The following IQCE variants were observed in gnomAD, a reference collection of about 807,000 sequenced individuals.
The protein encoded by IQCE is IQ domain-containing protein E.
IQCE carries 115 observed loss-of-function variants against 96.0 expected under a neutral mutation model. The ratio of observed to expected loss-of-function variants is 1.20; its 90% CI spans 1.03 to 1.40. The LOEUF is 1.40. IQCE is among the 40% of genes most tolerant of loss of function. The pLI, the probability that IQCE is intolerant of heterozygous loss-of-function variation, is 0.00. For synonymous variants in IQCE, 412 were observed against 371.2 expected (o/e 1.11, Z -1.26); for missense variants, 1,041 against 909.1 (o/e 1.15, Z -1.87).
In IQCE at chr7:2,613,212, G is replaced by A. The variant is rs533400115; in HGVS notation, c.*3050G>A. 6.6e-6 allele frequency: 1 copy of A among 152,400 alleles called. No homozygotes were observed. The highest frequency in any genetic ancestry group is 1.9e-4 in the East Asian group (1 of 5,182). 9.4% of individuals were successfully genotyped at this position (152,400 alleles called of 1,614,324 possible). On this transcript the variant is annotated 3_prime_UTR_variant, in exon 22 of 22. Transcript: ENST00000402050. ...TGTGTTGACAGCAGTCACGTCTGTT[G>A]AGCTGACACTGCTGAGGCTGAAGCT...
chr7:2,606,740 C>T (rs1465969175), intron 20 of IQCE, among the ~76,000 whole-genome samples: 1 of 152,190 alleles, frequency 6.6e-6, no homozygotes, highest in African/African-American at 2.4e-5. Flanking sequence ...GTCAGGGACC[C>T]ATCCCTGGGC....
chr7:2,600,788 C>T (rs998725839), intron 17 of IQCE, among the ~76,000 whole-genome samples: 7 of 152,190 alleles, frequency 4.6e-5, no homozygotes, highest in African/African-American at 1.7e-4. Flanking sequence ...GTGGTCATTC[C>T]GTGCCATTAA....
rs546657431 is a variant in IQCE, at chr7:2,595,586, C to T, written c.1440+610C>T. On this transcript the variant is annotated intron_variant, in intron 16 of 21. Coordinates refer to ENST00000402050, the MANE Select transcript of IQCE (RefSeq NM_152558.5). ...ACCCGGGGGCAGCTAGTCGCGGCGGCGTCTCTGTGGCTCCGAGGTCCCTGG... is the reference window on the plus strand; with the variant it reads ...ACCCGGGGGCAGCTAGTCGCGGCGGTGTCTCTGTGGCTCCGAGGTCCCTGG... Among the ~76,000 whole-genome samples the T allele has an allele frequency of 4.6e-5, 7 of 152,292 alleles. No homozygotes were observed. The East Asian group carries it at 5.8e-4, about 13-fold the overall frequency.
At chr7:2,572,724 T>C (rs1237770731) in intron 5 of IQCE, 1 of 459,072 alleles carries the variant, frequency 2.2e-6, no homozygotes, top group Non-Finnish European at 4.4e-6. Flanking sequence ...TCTCTTTTTT[T>C]TTAGAGACGG....
chr7:2,595,005 G>T, intron 16 of IQCE, 29 bp downstream of exon 16: 1 of 1,465,144 alleles, frequency 6.8e-7, no homozygotes, highest in East Asian at 2.3e-5. Flanking sequence ...TGAGTCTCCC[G>T]TCAGGTGCGG....
At chr7:2,588,504 C>G (rs1783310735) in intron 13 of IQCE, among the ~76,000 whole-genome samples, 1 of 151,626 alleles carries the variant, frequency 6.6e-6, no homozygotes, top group Admixed American at 6.6e-5. Flanking sequence ...CAGGTGCCCA[C>G]CACCACACCC....
Position 2,583,727 on chromosome 7 carries a change from G to C in IQCE, c.774+18G>C. On this transcript the variant is annotated intron_variant, in intron 10 of 21. Coordinates refer to ENST00000402050, the MANE Select transcript of IQCE (RefSeq NM_152558.5). ...ACGAGGAGGTGCGCCGTGCTGGGCG[G>C]CGGAGCGGAGGGCGGGCACCGAGCT... 1 of 1,387,990 alleles carries C rather than the reference G, an allele frequency of 7.2e-7. No individual in the cohort carries two copies. The highest frequency in any genetic ancestry group is 2.0e-5 in the Admixed American group (1 of 50,970). 86.0% of individuals were successfully genotyped at this position (1,387,990 alleles called of 1,614,324 possible). A position where few individuals can be genotyped will look rare whatever the true frequency, so the allele number is the denominator to read the frequency against.
intron 1 of IQCE, among the ~76,000 whole-genome samples, chr7:2,565,523 A>G (rs962876034): frequency 1.3e-5 from 2 of 152,206 alleles, no homozygotes; most frequent in Non-Finnish European, 2.9e-5. Flanking sequence ...ATTCACAGCA[A>G]GGAATAATGA....
At chr7:2,589,811 C>G (rs999521756) in intron 13 of IQCE, 96 bp from the exon 14 acceptor site, 6 of 1,222,570 alleles carry the variant, frequency 4.9e-6, no homozygotes, top group Non-Finnish European at 7.1e-6. Flanking sequence ...CTGCTGGAGA[C>G]TCAGTTTGCC....
intron 14 of IQCE, 73 bp from the exon 15 acceptor site, chr7:2,592,949 T>C: frequency 6.7e-7 from 1 of 1,492,126 alleles, no homozygotes; most frequent in Non-Finnish European, 9.1e-7. Context: ...TGTCATTTTC[T>C]GAAGTGCCTT....
In IQCE at chr7:2,590,020, C is replaced by T. The variant is rs1421998740; in HGVS notation, c.1158C>T (p.Arg386=). The T allele has an allele frequency of 3.7e-6, 6 of 1,613,746 alleles. No individual in the cohort carries two copies. The African/African-American group carries it at 4.0e-5, about 11-fold the overall frequency. Residue 386 remains arginine, a synonymous_variant, in exon 14 of 22, where the codon CGC becomes CGT. Transcript: ENST00000402050. ...SALHRQPRGD[R]NKDHERLRGA... is the part of the protein sequence containing the mutation. ...TGCACAGACAGCCACGAGGGGACCG[C>T]AACAAGGACCACGAGCGTCTCCGAG... is the stretch of plus-strand genomic sequence containing the variant.
At chr7:2,578,593 G>A (rs1782400229) in intron 8 of IQCE, 67 bp downstream of exon 8, 2 of 1,557,492 alleles carry the variant, frequency 1.3e-6, no homozygotes, top group Non-Finnish European at 1.8e-6. Flanking sequence ...GCCACAGAGG[G>A]ACGCCTTTCC....
chr7:2,598,385 G>C (rs1784204433), intron 16 of IQCE, 80 bp from the exon 17 acceptor site: 1 of 1,365,914 alleles, frequency 7.3e-7, no homozygotes, highest in African/African-American at 1.5e-5. Context: ...ACCATGCCGG[G>C]TAATATCCTG....
At position 2,567,143 on chromosome 7, in the gene IQCE, T is replaced by C. The variant is rs868763422; in HGVS notation, c.64T>C (p.Phe22Leu). ...TGDDSLSAVT[F>L]DSDVETKAKR... ...AGATGACAGTCTGTCTGCAGTCACCTTTGACTCTGATGTGGAGACGGTGAG... is the reference window on the plus strand; with the variant it reads ...AGATGACAGTCTGTCTGCAGTCACCCTTGACTCTGATGTGGAGACGGTGAG... Residue 22 changes from phenylalanine to leucine, a missense_variant, in exon 2 of 22, where the codon TTT becomes CTT. Phe to Leu is a conservative substitution (Grantham distance 22). Transcript: ENST00000402050. 1.9e-6 allele frequency: 3 copies of C among 1,613,612 alleles called. No individual in the cohort carries two copies. Among genetic ancestry groups the C allele is most frequent in the Non-Finnish European group, 2.5e-6 (3 of 1,179,814 alleles).
intron 1 of IQCE, among the ~76,000 whole-genome samples, chr7:2,561,965 G>A (rs1781000274): frequency 6.6e-6 from 1 of 152,166 alleles, no homozygotes; most frequent in Non-Finnish European, 1.5e-5. Flanking sequence ...GGACAGCCTT[G>A]TCTTGCTGCT....
chr7:2,579,729 G>GTGTGTGTGTGTGTGTGTC (rs377084597), intron 8 of IQCE, among the ~76,000 whole-genome samples: 1 of 147,812 alleles, frequency 6.8e-6, no homozygotes, highest in Admixed American at 6.7e-5. Flanking sequence ...GTGTGTGTGT[G>GTGTGTGTGTGTGTGTGTC]TGTGTGTGTC....
In IQCE at chr7:2,604,924, G is replaced by A. The variant is rs370405991; in HGVS notation, c.1676G>A (p.Arg559Gln). 1.9e-4 allele frequency: 314 copies of A among 1,613,600 alleles called. 1 individual carries two copies. Among genetic ancestry groups the A allele is most frequent in the South Asian group, 3.0e-4 (27 of 91,084 alleles). The change falls in exon 19 of 22, where the codon CGG becomes CAG. Residue 559 changes from arginine to glutamine, a missense_variant. By Grantham distance (43) the Arg-to-Gln change is conservative (BLOSUM62 1). Transcript: ENST00000402050. The part of the protein sequence containing the change: ...LQAAFRGHLT[R>Q]TKLLASKAHG... ...GCAGCTTTCAGGGGACATCTCACGC[G>A]GACAAAGCTCTTAGCAAGCAAAGCA...
chr7:2,588,888 A>T (rs1312632302), intron 13 of IQCE, among the ~76,000 whole-genome samples: 7 of 150,564 alleles, frequency 4.6e-5, no homozygotes, highest in African/African-American at 1.7e-4. Flanking sequence ...CTGGTCTCGA[A>T]CTCCTGACTT....
intron 3 of IQCE, 187 bp from the exon 4 acceptor site, chr7:2,571,339 A>G (rs532840968): frequency 3.0e-6 from 2 of 669,714 alleles, no homozygotes; most frequent in South Asian, 3.4e-5. Flanking sequence ...ATTTCTTTAT[A>G]ATAAAAGTTA....
Sources: allele counts gnomAD v4.1 joint callset (sites outside exome capture counted in the v4.1 genomes callset), GRCh38; gene constraint gnomAD v4.1.1; transcripts MANE v1.5; gene names NCBI Gene and HGNC (gene_info 2026-07-23, HGNC 2026-07-21).